CALD1: variants seen among roughly 807,000 people sequenced by gnomAD.
CALD1 encodes caldesmon.
A neutral mutation model predicts 99.9 loss-of-function variants in CALD1; 33 were observed. The observed-to-expected ratio is 0.33, with a 90% confidence interval of 0.25 to 0.44. CALD1 has a LOEUF of 0.44. Ranked by LOEUF, CALD1 falls within the 20% of genes least tolerant of loss-of-function variation. The probability of loss-of-function intolerance (pLI) is 1.00; values close to 1 mark genes in which losing one functional copy is unlikely to be tolerated. For synonymous variants in CALD1, 310 were observed against 325.0 expected, an observed-to-expected ratio of 0.95 and a Z score of 0.50; for missense variants, 861 against 962.1, an observed-to-expected ratio of 0.89 and a Z score of 1.39.
At chr7:134,941,044 A>G (rs374131588) in intron 6 of CALD1, 48 bp from the exon 7 acceptor site, 35 of 1,526,842 alleles carry the variant, frequency 2.3e-5, no homozygotes, top group Admixed American at 6.7e-5. Context: ...CCAAAACCTA[A>G]TAAGATTTTT....
Position 134,965,338 on chromosome 7 carries a change from GA to G in CALD1, c.2330del (p.Asn777ThrfsTer35). 1 of 1,596,206 alleles carries G rather than the reference GA, an allele frequency of 6.3e-7. No individual in the cohort carries two copies. On this transcript the variant is annotated frameshift_variant, in exon 14 of 15. Transcript: ENST00000361675. LOFTEE classifies it high-confidence loss of function. ...GACCAGGAGACGTATCCAGCAAGCG[GA>G]ACCTCTGGGAAAAGCAATCTGTGGA... ...LRPGDVSSKR[N>X]LWEKQSVDKV...
In CALD1 at chr7:134,783,212, G is replaced by A. The variant is rs566111389; in HGVS notation, c.-130+3463G>A. On this transcript the variant is annotated intron_variant, in intron 1 of 14. Coordinates refer to ENST00000361675, the MANE Select transcript of CALD1 (RefSeq NM_033138.4). This position sits in a 1 kb window ranked among gnomAD's most constrained non-coding sequence, Gnocchi z 4.3. ...GAAACCAGACTGCTCCACGGAGCTC[G>A]CCTCTCACCTCTTTGCTTCTGTCTT... Among the ~76,000 whole-genome samples, 190 of 152,242 alleles carry A rather than the reference G, an allele frequency of 1.2e-3. No individual in the cohort carries two copies. Among genetic ancestry groups the A allele is most frequent in the African/African-American group, 4.5e-3 (188 of 41,534 alleles).
intron 1 of CALD1, among the ~76,000 whole-genome samples, chr7:134,814,697 G>T (rs1298993878): frequency 6.6e-6 from 1 of 152,144 alleles, no homozygotes; most frequent in East Asian, 1.9e-4. Context: ...TGGTCCACAA[G>T]TGTTTGCTGT....
At chr7:134,721,729 A>G in the CALD1 span, among the ~76,000 whole-genome samples, 3 of 152,114 alleles carry the variant, frequency 2.0e-5, no homozygotes, top group Non-Finnish European at 2.9e-5. Context: ...ATCTCCATCA[A>G]TGGAGATGAT....
At chr7:134,905,311 T>A (rs765497006) in intron 3 of CALD1, among the ~76,000 whole-genome samples, 48 of 152,104 alleles carry the variant, frequency 3.2e-4, no homozygotes, top group Non-Finnish European at 5.4e-4. Flanking sequence ...CCAAGCACTG[T>A]TCTAAGTACC....
chr7:134,924,146 G>C lies in CALD1; in HGVS notation c.72-4608G>C, dbSNP rs79576459. On this transcript the variant is annotated intron_variant, in intron 3 of 14. Transcript: ENST00000361675. Reference sequence around the variant, plus strand: ...AAATTAAAGAAATGGTTTGTGAAATGATATGTATGACATAACCCTATTTTA... The same window carrying C: ...AAATTAAAGAAATGGTTTGTGAAATCATATGTATGACATAACCCTATTTTA... 5.9e-5 allele frequency among the ~76,000 whole-genome samples: 9 copies of C among 152,250 alleles called. No homozygotes were observed. The East Asian group carries it at 1.7e-3, about 29-fold the overall frequency.
intron 2 of CALD1, among the ~76,000 whole-genome samples, chr7:134,857,674 A>G (rs1385043452): frequency 2.0e-5 from 3 of 152,204 alleles, no homozygotes; most frequent in African/African-American, 7.2e-5. Flanking sequence ...TATGTCTGTT[A>G]CATCCAAGGG....
At chr7:134,719,877 GC>G in the CALD1 span, among the ~76,000 whole-genome samples, 1 of 152,088 alleles carries the variant, frequency 6.6e-6, no homozygotes, top group Non-Finnish European at 1.5e-5. Flanking sequence ...CACCAAAGAT[GC>G]CCCCGAAATG....
chr7:134,778,770 G>A (rs138384196), upstream of CALD1, among the ~76,000 whole-genome samples: 286 of 152,276 alleles, frequency 1.9e-3, 1 homozygote, highest in African/African-American at 6.7e-3. Context: ...AAAGCAGGTG[G>A]TGGGTCTCTT....
intron 3 of CALD1, among the ~76,000 whole-genome samples, chr7:134,885,050 T>C (rs1801789457): frequency 6.6e-6 from 1 of 152,058 alleles, no homozygotes; most frequent in South Asian, 2.1e-4. Flanking sequence ...GCGATTCTCA[T>C]GCCTCAGCCT....
Position 134,958,206 on chromosome 7 carries a change from T to A in CALD1, c.1980-3T>A, listed in dbSNP as rs1375402376. ...TTTTATATGTATGTGTTTACTTTTT[T>A]AGCAGTGGTGTCAAATCGACCCATC... On this transcript the variant is annotated splice_region_variant and splice_polypyrimidine_tract_variant and intron_variant, in intron 10 of 14. Coordinates refer to ENST00000361675, the MANE Select transcript of CALD1 (RefSeq NM_033138.4). The A allele has an allele frequency of 6.2e-7, 1 of 1,613,800 alleles. No homozygotes were observed. The highest frequency in any genetic ancestry group is 8.5e-7 in the Non-Finnish European group (1 of 1,179,882).
chr7:134,952,115 A>G (rs1431561451), intron 9 of CALD1, among the ~76,000 whole-genome samples: 1 of 152,078 alleles, frequency 6.6e-6, no homozygotes, highest in African/African-American at 2.4e-5. Context: ...TTCCTGGCCA[A>G]TCTGGTGAAA....
chr7:134,809,892 CA>C (rs1469914303), intron 1 of CALD1, among the ~76,000 whole-genome samples: 1 of 152,126 alleles, frequency 6.6e-6, no homozygotes, highest in African/African-American at 2.4e-5. Flanking sequence ...TTAAGCTATA[CA>C]GACAGAAATG....
intron 9 of CALD1, among the ~76,000 whole-genome samples, chr7:134,955,928 G>A (rs187955256): frequency 8.5e-5 from 13 of 152,078 alleles, no homozygotes; most frequent in African/African-American, 2.7e-4. Context: ...ATGGACGGAC[G>A]GACGGATGGG....
chr7:134,874,745 T>C (rs988590577), intron 3 of CALD1, among the ~76,000 whole-genome samples: 2 of 149,248 alleles, frequency 1.3e-5, no homozygotes, highest in Admixed American at 6.6e-5. Context: ...TCATCATTCA[T>C]ACATTTTTAT....
intron 1 of CALD1, among the ~76,000 whole-genome samples, chr7:134,758,501 GGTGT>G (rs59389296): frequency 0.044 from 6,411 of 145,142 alleles, 408 homozygotes; most frequent in African/African-American, 0.15. Flanking sequence ...CTCCCATTGG[GGTGT>G]GTGTGTGTGT....
chr7:134,754,576 G>A lies in CALD1; in HGVS notation c.-130+10213G>A, dbSNP rs764539972. Among the ~76,000 whole-genome samples the A allele has an allele frequency of 7.2e-5, 11 of 152,066 alleles. No individual in the cohort carries two copies. In the East Asian group the frequency reaches 9.6e-4, roughly 13 times the overall value. ...CCTCTGTTAACAGATGTGTAGTCCC[G>A]GAAGGACTGCTTGACATACAAGAAA... On this transcript the variant is annotated intron_variant, in intron 1 of 13. Transcript: ENST00000417172.
chr7:134,858,752 T>C (rs1338252792), intron 2 of CALD1, among the ~76,000 whole-genome samples: 1 of 151,972 alleles, frequency 6.6e-6, no homozygotes, highest in East Asian at 1.9e-4. Flanking sequence ...GTAATTTTAG[T>C]AGAGACAGGG....
chr7:134,785,742 T>C (rs562389873), intron 1 of CALD1, among the ~76,000 whole-genome samples: 4 of 152,280 alleles, frequency 2.6e-5, no homozygotes, highest in Admixed American at 2.0e-4. Flanking sequence ...GCAAAACATA[T>C]GCTGAACCGA....
Sources: gnomAD v4.1 joint callset for allele counts (sites outside exome capture counted in the v4.1 genomes callset) on GRCh38, gnomAD v4.1.1 for gene constraint, Gnocchi (gnomAD v3.1) non-coding constraint, MANE v1.5 for transcripts, NCBI Gene and HGNC (gene_info 2026-07-23, HGNC 2026-07-21) for gene names.